Variants in OR9Q1 observed in about 807,000 individuals in gnomAD.
OR9Q1 encodes olfactory receptor family 9 subfamily Q member 1.
For missense variants in OR9Q1, 374 were observed against 378.8 expected, an observed-to-expected ratio of 0.99 and a Z score of 0.11; for synonymous variants, 153 against 148.6, an observed-to-expected ratio of 1.03 and a Z score of -0.22.
At chr11:58,163,245 AC>A (rs1262950826) in intron 2 of OR9Q1, among the ~76,000 whole-genome samples, 6 of 152,210 alleles carry the variant, frequency 3.9e-5, no homozygotes, top group Non-Finnish European at 5.9e-5. Flanking sequence ...TATATGGCTT[AC>A]CTCTAACAGT....
At chr11:58,165,071 AAT>A (rs1854488576) in intron 2 of OR9Q1, among the ~76,000 whole-genome samples, 1 of 149,444 alleles carries the variant, frequency 6.7e-6, no homozygotes, top group Non-Finnish European at 1.5e-5. Flanking sequence ...TATCTGATAT[AAT>A]ATATGTTTTC....
chr11:58,058,690 C>A (rs895363415), intron 2 of OR9Q1, among the ~76,000 whole-genome samples: 1 of 151,734 alleles, frequency 6.6e-6, no homozygotes, highest in African/African-American at 2.4e-5. Flanking sequence ...TGACGGTGGC[C>A]ATGCTGTTGA....
At chr11:58,068,066 T>C (rs1853446853) in intron 2 of OR9Q1, among the ~76,000 whole-genome samples, 1 of 151,972 alleles carries the variant, frequency 6.6e-6, no homozygotes, top group African/African-American at 2.4e-5. Flanking sequence ...CAGCCGGGCA[T>C]GGTGGCTCAC....
At chr11:58,073,242 C>T in intron 2 of OR9Q1, 2 of 220,492 alleles carry the variant, frequency 9.1e-6, no homozygotes, top group Non-Finnish European at 2.1e-5. Context: ...GTGTATGACT[C>T]AATAAGCTCT....
chr11:58,151,764 G>A (rs777085116), intron 2 of OR9Q1, among the ~76,000 whole-genome samples: 4 of 148,162 alleles, frequency 2.7e-5, no homozygotes, highest in Non-Finnish European at 4.5e-5. Flanking sequence ...CTTAGTTTTC[G>A]GCCCCCAGAC....
chr11:58,119,154 A>G, intron 2 of OR9Q1: 1 of 1,614,062 alleles, frequency 6.2e-7, no homozygotes, highest in Non-Finnish European at 8.5e-7. Context: ...ACTGGGCAGC[A>G]CAGTGGCCGT....
At chr11:58,162,284 G>GT (rs758120079) in intron 2 of OR9Q1, among the ~76,000 whole-genome samples, 5 of 152,166 alleles carry the variant, frequency 3.3e-5, no homozygotes, top group African/African-American at 7.2e-5. Flanking sequence ...GAAATGTTAC[G>GT]TTTTGTTTGA....
At chr11:58,144,298 GAT>G (rs1854279076) in intron 2 of OR9Q1, among the ~76,000 whole-genome samples, 1 of 150,700 alleles carries the variant, frequency 6.6e-6, no homozygotes, top group South Asian at 2.1e-4. Context: ...TTGTCCTTGC[GAT>G]AGTTTGCTGA....
intron 2 of OR9Q1, among the ~76,000 whole-genome samples, chr11:58,103,355 G>T (rs1423179588): frequency 6.6e-6 from 1 of 152,110 alleles, no homozygotes; most frequent in Non-Finnish European, 1.5e-5. Flanking sequence ...ACAACATGCG[G>T]TGATTATGGG....
At chr11:58,071,553 G>A (rs570714157) in intron 2 of OR9Q1, among the ~76,000 whole-genome samples, 121 of 152,168 alleles carry the variant, frequency 8.0e-4, no homozygotes, top group African/African-American at 2.8e-3. Context: ...GCCTAGCGAA[G>A]TAGAGTTTGC....
chr11:58,088,381 C>T lies in OR9Q1; in HGVS notation c.-15+32434C>T, dbSNP rs1263217951. Among the ~76,000 whole-genome samples, 8 of 151,868 alleles carry T rather than the reference C, an allele frequency of 5.3e-5. 1 individual carries two copies. Among genetic ancestry groups the T allele is most frequent in the Admixed American group, 5.2e-4 (8 of 15,258 alleles). ...CAAATGGTATTTCTGGTTCTAGATC[C>T]TTGAGGAATTGCCACACTGTCTTCC... is the stretch of plus-strand genomic sequence containing the variant. On this transcript the variant is annotated intron_variant, in intron 2 of 2. Transcript: ENST00000335397.
At chr11:58,054,126 A>C (rs1490225503) in intron 1 of OR9Q1, among the ~76,000 whole-genome samples, 2 of 152,212 alleles carry the variant, frequency 1.3e-5, no homozygotes, top group African/African-American at 4.8e-5. Context: ...TTTATTTGTT[A>C]ATTATACCTG....
chr11:58,150,784 T>C (rs1854343238), intron 2 of OR9Q1, among the ~76,000 whole-genome samples: 1 of 152,238 alleles, frequency 6.6e-6, no homozygotes, highest in African/African-American at 2.4e-5. Flanking sequence ...TACAAATGTG[T>C]TGTTATTTTA....
chr11:58,110,978 A>G (rs1042241936), intron 2 of OR9Q1, among the ~76,000 whole-genome samples: 1 of 152,148 alleles, frequency 6.6e-6, no homozygotes, highest in Non-Finnish European at 1.5e-5. Context: ...GGGTCCTACC[A>G]GTCACAGAAC....
rs146999198 is a variant in OR9Q1 at position 58,065,236 on chromosome 11, A to G, written c.-15+9289A>G. 6.2e-3 allele frequency among the ~76,000 whole-genome samples: 943 copies of G among 152,314 alleles called. 8 individuals carry two copies. The highest frequency in any genetic ancestry group is 0.011 in the Non-Finnish European group (735 of 68,034). On this transcript the variant is annotated intron_variant, in intron 2 of 2. Transcript: ENST00000335397. ...GCACTCTGATGTAGAAGAGATAAGG[A>G]CACAGGTGACACAGACACATAGAGA... is the stretch of plus-strand genomic sequence containing the variant.
intron 2 of OR9Q1, among the ~76,000 whole-genome samples, chr11:58,059,417 C>T (rs1189666224): frequency 2.6e-5 from 4 of 151,734 alleles, no homozygotes; most frequent in Admixed American, 6.6e-5. Context: ...AATTCAGGGC[C>T]GGGCACAGTG....
At chr11:58,107,726 G>A (rs185231760) in intron 2 of OR9Q1, among the ~76,000 whole-genome samples, 91 of 151,450 alleles carry the variant, frequency 6.0e-4, no homozygotes, top group African/African-American at 2.1e-3. Flanking sequence ...ACACTCGAAT[G>A]TGGGATGTCT....
At chr11:58,125,250 A>AC (rs1565083893) in intron 2 of OR9Q1, 3 of 27,588 alleles carry the variant, frequency 1.1e-4, no homozygotes, top group Non-Finnish European at 1.4e-4. Flanking sequence ...CCCCCCCCCC[A>AC]AAAAAAAGCT....
chr11:58,031,282 T>C (rs768143173), intron 1 of OR9Q1: 1 of 1,614,040 alleles, frequency 6.2e-7, no homozygotes, highest in Non-Finnish European at 8.5e-7. Flanking sequence ...TCTTCACCTT[T>C]CTTGGGGCAA....
Sources: allele counts gnomAD v4.1 joint callset (sites outside exome capture counted in the v4.1 genomes callset), GRCh38; gene constraint gnomAD v4.1.1; transcripts MANE v1.5; gene names NCBI Gene and HGNC (gene_info 2026-07-23, HGNC 2026-07-21).